The following TSPAN5 variants were observed in gnomAD, a reference collection of about 807,000 sequenced individuals.
TSPAN5 encodes the protein tetraspanin 5.
TSPAN5 carries 10 observed loss-of-function variants against 37.1 expected under a neutral mutation model. The ratio of observed to expected loss-of-function variants is 0.27; its 90% confidence interval spans 0.17 to 0.46. The LOEUF (loss-of-function observed/expected upper bound fraction) is 0.46, where lower values mean the gene tolerates loss of function less well. TSPAN5 is among the 20% of genes least tolerant of loss of function. The pLI is 1.00. For missense variants in TSPAN5, 195 were observed against 326.6 expected (o/e 0.60, Z 3.11); for synonymous variants, 110 against 118.9 (o/e 0.93, Z 0.48).
At chr4:98,635,530 C>T (rs1756836874) in intron 1 of TSPAN5, among the ~76,000 whole-genome samples, 1 of 152,214 alleles carries the variant, frequency 6.6e-6, no homozygotes, top group South Asian at 2.1e-4. Flanking sequence ...GTAAAACTCA[C>T]AGTTTAATAG....
At chr4:98,637,867 A>T (rs1162520659) in intron 1 of TSPAN5, among the ~76,000 whole-genome samples, 2 of 152,252 alleles carry the variant, frequency 1.3e-5, no homozygotes. Context: ...ATCTATAAAT[A>T]TCAAAAAGTA....
chr4:98,550,225 C>G (rs1222434541), intron 1 of TSPAN5, among the ~76,000 whole-genome samples: 1 of 152,134 alleles, frequency 6.6e-6, no homozygotes, highest in Non-Finnish European at 1.5e-5. Flanking sequence ...CTTCTCTATT[C>G]TATTCCACTG....
intron 1 of TSPAN5, among the ~76,000 whole-genome samples, chr4:98,642,176 A>G (rs955958787): frequency 2.6e-5 from 4 of 152,206 alleles, no homozygotes; most frequent in African/African-American, 4.8e-5. Context: ...CAGCAGGTCA[A>G]CCTTCTTAGA....
At chr4:98,609,582 T>C (rs1415939523) in intron 1 of TSPAN5, among the ~76,000 whole-genome samples, 4 of 152,194 alleles carry the variant, frequency 2.6e-5, no homozygotes, top group Non-Finnish European at 5.9e-5. Context: ...AGCACTGTCC[T>C]GAATACAGTC....
At chr4:98,562,073 C>A (rs1451800078) in intron 1 of TSPAN5, among the ~76,000 whole-genome samples, 3 of 152,160 alleles carry the variant, frequency 2.0e-5, no homozygotes, top group Non-Finnish European at 4.4e-5. Context: ...GTGCCTAGAA[C>A]AGGCCCTGCA....
chr4:98,559,276 A>G (rs980555121), intron 1 of TSPAN5, among the ~76,000 whole-genome samples: 2 of 152,228 alleles, frequency 1.3e-5, no homozygotes, highest in Non-Finnish European at 2.9e-5. Flanking sequence ...ATCATAAAAA[A>G]TAACTTTAAA....
intron 1 of TSPAN5, among the ~76,000 whole-genome samples, chr4:98,526,129 T>A (rs568703874): frequency 6.6e-6 from 1 of 152,170 alleles, no homozygotes; most frequent in Non-Finnish European, 1.5e-5. Context: ...TTTAAAGATA[T>A]CAGGCTGGGT....
chr4:98,633,376 A>C (rs956139710), intron 1 of TSPAN5, among the ~76,000 whole-genome samples: 3 of 152,290 alleles, frequency 2.0e-5, no homozygotes, highest in African/African-American at 7.2e-5. Flanking sequence ...CAACTCAATA[A>C]TTCTCAGTGT....
At chr4:98,509,860 AG>A (rs1172724507) in intron 1 of TSPAN5, 1 of 152,244 alleles carries the variant, frequency 6.6e-6, no homozygotes, top group Non-Finnish European at 1.5e-5. Flanking sequence ...CATGAGACCT[AG>A]GAAGCACAGA....
At chr4:98,512,767 A>G (rs985654145) in intron 1 of TSPAN5, among the ~76,000 whole-genome samples, 4 of 152,220 alleles carry the variant, frequency 2.6e-5, no homozygotes, top group African/African-American at 9.7e-5. Flanking sequence ...TTCATTTATA[A>G]TCTGCAACAA....
intron 1 of TSPAN5, among the ~76,000 whole-genome samples, chr4:98,549,173 A>C (rs865941489): frequency 7.2e-5 from 11 of 152,278 alleles, no homozygotes; most frequent in Non-Finnish European, 4.4e-5. Flanking sequence ...AACAGTGTAT[A>C]AGCGTTCCCT....
At chr4:98,588,394 A>G (rs1755547768) in intron 1 of TSPAN5, among the ~76,000 whole-genome samples, 1 of 148,408 alleles carries the variant, frequency 6.7e-6, no homozygotes, top group Non-Finnish European at 1.5e-5. Context: ...CTTCGGTTCA[A>G]AAAAAAAAAA....
intron 2 of TSPAN5, among the ~76,000 whole-genome samples, chr4:98,492,779 G>A (rs1272866654): frequency 6.6e-6 from 1 of 152,124 alleles, no homozygotes; most frequent in Non-Finnish European, 1.5e-5. Context: ...CAGTTCTGTG[G>A]AACTCTTATG....
At chr4:98,581,993 C>T (rs1755378833) in intron 1 of TSPAN5, among the ~76,000 whole-genome samples, 2 of 152,108 alleles carry the variant, frequency 1.3e-5, no homozygotes, top group Non-Finnish European at 2.9e-5. Context: ...GAAGTGGCCA[C>T]CCCAGAGATC....
chr4:98,555,108 C>T (rs554290084), intron 1 of TSPAN5, among the ~76,000 whole-genome samples: 43 of 152,290 alleles, frequency 2.8e-4, no homozygotes, highest in Middle Eastern at 3.4e-3. Context: ...CTTCCAGCAG[C>T]CCCAATGGTA....
intron 1 of TSPAN5, among the ~76,000 whole-genome samples, chr4:98,590,820 A>G (rs1184398953): frequency 4.6e-5 from 7 of 152,178 alleles, no homozygotes; most frequent in Non-Finnish European, 1.0e-4. Flanking sequence ...CTAGTCTATT[A>G]TCAGCTCACT....
intron 1 of TSPAN5, among the ~76,000 whole-genome samples, chr4:98,621,808 CAA>C (rs1352158614): frequency 4.3e-5 from 6 of 138,554 alleles, no homozygotes; most frequent in African/African-American, 1.6e-4. Context: ...CAGCCCCTGG[CAA>C]CCATTAATCT....
At chr4:98,528,836 C>T (rs1754018732) in intron 1 of TSPAN5, among the ~76,000 whole-genome samples, 1 of 152,204 alleles carries the variant, frequency 6.6e-6, no homozygotes, top group African/African-American at 2.4e-5. Flanking sequence ...ACCTGCCCAC[C>T]ACTCTGCTGG....
intron 1 of TSPAN5, among the ~76,000 whole-genome samples, chr4:98,619,657 G>A (rs1421182904): frequency 6.6e-6 from 1 of 152,172 alleles, no homozygotes; most frequent in Admixed American, 6.5e-5. Context: ...AATTAGAAAA[G>A]AGCACCGTGA....
Sources: allele counts gnomAD v4.1 joint callset (sites outside exome capture counted in the v4.1 genomes callset), GRCh38; gene constraint gnomAD v4.1.1; transcripts MANE v1.5; gene names NCBI Gene and HGNC (gene_info 2026-07-23, HGNC 2026-07-21).